Variants in PCDH9 observed in about 807,000 individuals in gnomAD.
The protein encoded by PCDH9 is protocadherin-9.
PCDH9 carries 24 observed loss-of-function variants against 70.6 expected under a neutral mutation model. The ratio of observed to expected loss-of-function variants is 0.34; its 90% CI spans 0.25 to 0.48. PCDH9 has a LOEUF of 0.48. Ranked by LOEUF, PCDH9 falls within the 20% of genes least tolerant of loss-of-function variation. PCDH9 has a pLI of 0.99. For synonymous variants in PCDH9, 562 were observed against 558.5 expected, an observed-to-expected ratio of 1.01 and a Z score of -0.09; for missense variants, 1,281 against 1,503.6, an observed-to-expected ratio of 0.85 and a Z score of 2.45.
At chr13:66,526,280 A>G (rs1593622458) in intron 4 of PCDH9, among the ~76,000 whole-genome samples, 1 of 152,116 alleles carries the variant, frequency 6.6e-6, no homozygotes. Flanking sequence ...GGTTTGAGTT[A>G]TAAATGCTGT....
chr13:66,445,439 G>A (rs1394578037), intron 4 of PCDH9, among the ~76,000 whole-genome samples: 2 of 144,132 alleles, frequency 1.4e-5, no homozygotes, highest in Admixed American at 1.4e-4. Flanking sequence ...AATAGATGTA[G>A]ATGTGTGTAT....
intron 4 of PCDH9, among the ~76,000 whole-genome samples, chr13:66,604,073 T>G (rs1001735204): frequency 2.6e-5 from 4 of 151,954 alleles, no homozygotes; most frequent in Non-Finnish European, 4.4e-5. Flanking sequence ...GTTGCCAAAT[T>G]TATATTCCAA....
chr13:66,939,457 T>TGTGA (rs1491222230), intron 2 of PCDH9, among the ~76,000 whole-genome samples: 6 of 149,994 alleles, frequency 4.0e-5, no homozygotes, highest in Admixed American at 6.7e-5. Context: ...TGTGTGTGTG[T>TGTGA]GACGGAGTCT....
At chr13:67,128,605 C>T (rs1461920251) in intron 2 of PCDH9, among the ~76,000 whole-genome samples, 2 of 152,164 alleles carry the variant, frequency 1.3e-5, no homozygotes, top group Non-Finnish European at 2.9e-5. Flanking sequence ...CTTCTGCTCT[C>T]TCCCTCTGTC....
intron 4 of PCDH9, among the ~76,000 whole-genome samples, chr13:66,366,283 T>C (rs1956553811): frequency 2.6e-5 from 4 of 152,064 alleles, no homozygotes; most frequent in Admixed American, 2.6e-4. Context: ...AAAAAGTTAT[T>C]TTCCTAATTA....
chr13:66,551,234 T>G (rs1235179964), intron 4 of PCDH9, among the ~76,000 whole-genome samples: 1 of 152,166 alleles, frequency 6.6e-6, no homozygotes, highest in African/African-American at 2.4e-5. Context: ...CCATATCCAA[T>G]TTAAGCTGTC....
At chr13:66,358,075 T>C (rs1459280417) in intron 4 of PCDH9, among the ~76,000 whole-genome samples, 1 of 152,054 alleles carries the variant, frequency 6.6e-6, no homozygotes, top group Non-Finnish European at 1.5e-5. Context: ...TAAAACTTGA[T>C]ACAATGCAAG....
At chr13:66,774,816 A>G (rs557009123) in intron 3 of PCDH9, among the ~76,000 whole-genome samples, 1 of 152,304 alleles carries the variant, frequency 6.6e-6, no homozygotes, top group Non-Finnish European at 1.5e-5. Context: ...ACTTTTTGCC[A>G]GTGTTCACAC....
At position 66,713,625 on chromosome 13, in the gene PCDH9, G is replaced by GTATATATATATATATATA. The variant is rs67681559; in HGVS notation, c.3139-82232_3139-82215dup. 2.3e-3 allele frequency among the ~76,000 whole-genome samples: 250 copies of GTATATATATATATATATA among 109,924 alleles called. 2 individuals are homozygous for GTATATATATATATATATA. The highest frequency in any genetic ancestry group is 5.5e-3 in the Middle Eastern group (1 of 182). 72.1% of individuals were successfully genotyped at this position (109,924 alleles called of 152,430 possible). ...ATATATATATAAAGTGTGTGTGTGT[G>GTATATATATATATATATA]TATATATATATATATATATATATAT... On this transcript the variant is annotated intron_variant, in intron 3 of 4. Coordinates refer to ENST00000377865, the MANE Select transcript of PCDH9 (RefSeq NM_203487.3).
Position 66,742,253 on chromosome 13 carries a change from T to C in PCDH9, c.3139-110842A>G, listed in dbSNP as rs1257404784. Among the ~76,000 whole-genome samples the C allele has an allele frequency of 7.6e-3, 324 of 42,696 alleles. 5 individuals carry two copies. Among genetic ancestry groups the C allele is most frequent in the African/African-American group, 0.024 (261 of 10,968 alleles). 28.0% of individuals were successfully genotyped at this position (42,696 alleles called of 152,430 possible). A position where few individuals can be genotyped will look rare whatever the true frequency, so the allele number is the denominator to read the frequency against. ...AACAAGCAATGGGGAAAGGATTCCC[T>C]ATTTAATAAATGGTGCTGGGAAAAC... On this transcript the variant is annotated intron_variant, in intron 3 of 4. Coordinates refer to ENST00000377865, the MANE Select transcript of PCDH9 (RefSeq NM_203487.3).
At chr13:66,540,990 A>G (rs1960929410) in intron 4 of PCDH9, among the ~76,000 whole-genome samples, 1 of 152,160 alleles carries the variant, frequency 6.6e-6, no homozygotes, top group South Asian at 2.1e-4. Context: ...AGATTAGGTT[A>G]GTGAATTCTC....
intron 2 of PCDH9, among the ~76,000 whole-genome samples, chr13:67,070,818 T>C (rs2138153445): frequency 1.3e-5 from 2 of 152,310 alleles, no homozygotes; most frequent in Middle Eastern, 6.8e-3. Flanking sequence ...GTTGATTCTT[T>C]TTTTTCTGAA....
intron 3 of PCDH9, among the ~76,000 whole-genome samples, chr13:66,724,855 G>A (rs1419478110): frequency 6.6e-6 from 1 of 152,150 alleles, no homozygotes. Context: ...CAAAGCACAA[G>A]TGATGGTGGC....
intron 4 of PCDH9, among the ~76,000 whole-genome samples, chr13:66,460,599 G>T (rs1374906797): frequency 6.6e-6 from 1 of 151,914 alleles, no homozygotes; most frequent in Admixed American, 6.6e-5. Flanking sequence ...AATGGTTGTT[G>T]TAACTATGCT....
At chr13:66,679,519 C>T (rs1025351864) in intron 3 of PCDH9, among the ~76,000 whole-genome samples, 8 of 151,874 alleles carry the variant, frequency 5.3e-5, no homozygotes, top group Non-Finnish European at 1.2e-4. Context: ...TCAATATAAC[C>T]TTCTCATGTG....
At chr13:66,738,242 C>G (rs2079189839) in intron 3 of PCDH9, among the ~76,000 whole-genome samples, 1 of 151,252 alleles carries the variant, frequency 6.6e-6, no homozygotes, top group Non-Finnish European at 1.5e-5. Flanking sequence ...ACTGACACCT[C>G]ACACGGCAGG....
At chr13:66,757,391 C>T (rs2079553659) in intron 3 of PCDH9, among the ~76,000 whole-genome samples, 1 of 152,122 alleles carries the variant, frequency 6.6e-6, no homozygotes, top group Non-Finnish European at 1.5e-5. Flanking sequence ...TTTTAGGTAT[C>T]TTGCTAAGGG....
intron 4 of PCDH9, among the ~76,000 whole-genome samples, chr13:66,519,499 T>G (rs1306013378): frequency 6.6e-6 from 1 of 152,054 alleles, no homozygotes; most frequent in Non-Finnish European, 1.5e-5. Context: ...GGGTAAACAC[T>G]TAGAGCTTCT....
chr13:66,964,440 G>A (rs2083399393), intron 2 of PCDH9, among the ~76,000 whole-genome samples: 1 of 151,958 alleles, frequency 6.6e-6, no homozygotes, highest in Non-Finnish European at 1.5e-5. Context: ...CAAAGCTATT[G>A]CATTCCTTGG....
Sources: allele counts gnomAD v4.1 joint callset (sites outside exome capture counted in the v4.1 genomes callset), GRCh38; gene constraint gnomAD v4.1.1; transcripts MANE v1.5; gene names NCBI Gene and HGNC (gene_info 2026-07-23, HGNC 2026-07-21).